Variants in PTPRN2 observed in about 807,000 individuals in gnomAD.
The protein encoded by PTPRN2 is protein tyrosine phosphatase receptor type N2.
PTPRN2 carries 74 observed loss-of-function variants against 118.8 expected under a neutral mutation model. The ratio of observed to expected loss-of-function variants is 0.62; its 90% CI spans 0.52 to 0.76. PTPRN2 has a LOEUF of 0.76. Ranked by LOEUF, PTPRN2 falls within the 30% of genes least tolerant of loss-of-function variation. The probability of loss-of-function intolerance (pLI) is 0.00; values close to 1 mark genes in which losing one functional copy is unlikely to be tolerated. For synonymous variants in PTPRN2, 641 were observed against 608.0 expected (o/e 1.05, Z -0.80); for missense variants, 1,481 against 1,394.4 (o/e 1.06, Z -0.99).
intron 2 of PTPRN2, among the ~76,000 whole-genome samples, chr7:158,319,492 ACTCACACAGCCTCCCCC>A (rs1294239789): frequency 3.0e-4 from 9 of 30,382 alleles, no homozygotes; most frequent in South Asian, 1.2e-3. Context: ...CCTCCCTCAC[ACTCACACAGCCTCCCCC>A]CACACACACA....
At chr7:157,926,061 T>C (rs1471756841) in intron 11 of PTPRN2, among the ~76,000 whole-genome samples, 1 of 45,360 alleles carries the variant, frequency 2.2e-5, no homozygotes, top group East Asian at 7.2e-4. Flanking sequence ...GTGAGGCGAA[T>C]GGATGAATTT....
chr7:158,243,525 T>C (rs1003874902), intron 3 of PTPRN2, among the ~76,000 whole-genome samples: 3 of 152,240 alleles, frequency 2.0e-5, no homozygotes, highest in Admixed American at 6.5e-5. Flanking sequence ...GATGGTTCTG[T>C]GGACCCCAGA....
chr7:157,545,072 GGTGT>G (rs199762622), intron 22 of PTPRN2, among the ~76,000 whole-genome samples: 3 of 145,468 alleles, frequency 2.1e-5, no homozygotes, highest in African/African-American at 5.1e-5. Context: ...AGTGTGCATG[GGTGT>G]GTGTGTGGGT....
chr7:158,261,494 C>T (rs1797394427), intron 3 of PTPRN2, among the ~76,000 whole-genome samples: 1 of 152,160 alleles, frequency 6.6e-6, no homozygotes, highest in Non-Finnish European at 1.5e-5. Context: ...CGACTCCCTG[C>T]AAACTGAGCC....
chr7:157,719,357 G>A (rs1343514901), intron 12 of PTPRN2, among the ~76,000 whole-genome samples: 2 of 152,226 alleles, frequency 1.3e-5, no homozygotes, highest in East Asian at 3.9e-4. Flanking sequence ...CTTCTCTCTA[G>A]GTCTGAGAAG....
intron 2 of PTPRN2, among the ~76,000 whole-genome samples, chr7:158,362,797 C>A (rs1331085963): frequency 1.3e-5 from 2 of 152,176 alleles, no homozygotes; most frequent in Non-Finnish European, 2.9e-5. Flanking sequence ...GAAAGCCCTG[C>A]AGATTTCCAA....
chr7:158,207,503 T>G (rs1827250282), intron 3 of PTPRN2, among the ~76,000 whole-genome samples: 1 of 151,712 alleles, frequency 6.6e-6, no homozygotes, highest in African/African-American at 2.4e-5. Flanking sequence ...ACCATCAGAG[T>G]GAACAGGCAA....
At chr7:157,805,352 G>T (rs188560948) in intron 12 of PTPRN2, among the ~76,000 whole-genome samples, 1 of 151,668 alleles carries the variant, frequency 6.6e-6, no homozygotes, top group East Asian at 2.0e-4. Flanking sequence ...AAGGTCTGAA[G>T]AAAAGGGAAA....
intron 3 of PTPRN2, among the ~76,000 whole-genome samples, chr7:158,300,523 C>G (rs982268073): frequency 2.4e-4 from 4 of 16,458 alleles, no homozygotes; most frequent in Non-Finnish European, 4.6e-4. Context: ...GTGCGCGCAC[C>G]TGCAGAGAAG....
At chr7:157,648,676 T>C (rs1266953477) in intron 14 of PTPRN2, among the ~76,000 whole-genome samples, 5 of 120,072 alleles carry the variant, frequency 4.2e-5, no homozygotes, top group African/African-American at 1.3e-4. Context: ...TCAGACCCTT[T>C]CACTGTGCAC....
chr7:158,145,406 G>A lies in PTPRN2; in HGVS notation c.911-6891C>T, dbSNP rs529888835. Among the ~76,000 whole-genome samples, 85 of 152,370 alleles carry A rather than the reference G, an allele frequency of 5.6e-4. 1 individual carries two copies. Among genetic ancestry groups the A allele is most frequent in the African/African-American group, 1.7e-3 (69 of 41,594 alleles). On this transcript the variant is annotated intron_variant, in intron 6 of 22. Transcript: ENST00000389418. ...AAGGGGCGGCAGTGCCCGGTACAGC[G>A]TGGTACAGTGAGCGCCACACTCAAC...
chr7:158,163,044 G>C (rs1009445552), intron 6 of PTPRN2, among the ~76,000 whole-genome samples: 2 of 152,174 alleles, frequency 1.3e-5, no homozygotes, highest in Non-Finnish European at 2.9e-5. Flanking sequence ...TGTCTAGCTA[G>C]GGCCTCACAT....
chr7:157,796,793 G>C (rs1804894797), intron 12 of PTPRN2, among the ~76,000 whole-genome samples: 1 of 152,166 alleles, frequency 6.6e-6, no homozygotes, highest in African/African-American at 2.4e-5. Context: ...GGCTACCCAG[G>C]TTTAAACACA....
chr7:158,364,549 C>T (rs138991289), intron 2 of PTPRN2, among the ~76,000 whole-genome samples: 60 of 152,316 alleles, frequency 3.9e-4, no homozygotes, highest in African/African-American at 1.3e-3. Context: ...GAGACAGTCA[C>T]ATGTAAGCTT....
At chr7:158,283,441 G>A (rs1799565456) in intron 3 of PTPRN2, among the ~76,000 whole-genome samples, 1 of 152,208 alleles carries the variant, frequency 6.6e-6, no homozygotes, top group South Asian at 2.1e-4. Flanking sequence ...GACCACCACT[G>A]AGAGGGTAAC....
At chr7:157,875,413 T>G (rs1795699151) in intron 12 of PTPRN2, among the ~76,000 whole-genome samples, 1 of 152,176 alleles carries the variant, frequency 6.6e-6, no homozygotes, top group Admixed American at 6.5e-5. Context: ...ATAACCTTGC[T>G]CCGGGTCACA....
intron 11 of PTPRN2, among the ~76,000 whole-genome samples, chr7:158,044,019 A>C (rs898743148): frequency 1.3e-5 from 2 of 152,250 alleles, no homozygotes; most frequent in Admixed American, 1.3e-4. Context: ...TGTGATGGGC[A>C]GTGAGGATAT....
At chr7:158,123,530 C>T (rs1015455917) in intron 9 of PTPRN2, among the ~76,000 whole-genome samples, 4 of 152,170 alleles carry the variant, frequency 2.6e-5, no homozygotes, top group Non-Finnish European at 5.9e-5. Flanking sequence ...CCAAACTGAA[C>T]CTTCCTCCTG....
chr7:157,541,000 C>T (rs892048506), intron 22 of PTPRN2, among the ~76,000 whole-genome samples: 1 of 152,350 alleles, frequency 6.6e-6, no homozygotes, highest in African/African-American at 2.4e-5. Flanking sequence ...TTGGGAGACA[C>T]AACAGTGACA....
Sources: gnomAD v4.1 joint callset for allele counts (sites outside exome capture counted in the v4.1 genomes callset) on GRCh38, gnomAD v4.1.1 for gene constraint, MANE v1.5 for transcripts, NCBI Gene and HGNC (gene_info 2026-07-23, HGNC 2026-07-21) for gene names.